Variants in ABCC12 observed in about 807,000 individuals in gnomAD.
ABCC12 encodes the protein ATP-binding cassette sub-family C member 12.
ABCC12 carries 142 observed loss-of-function variants against 151.1 expected under a neutral mutation model. The ratio of observed to expected loss-of-function variants is 0.94; its 90% confidence interval spans 0.82 to 1.08. ABCC12 has a LOEUF of 1.08. ABCC12 is among the 50% of genes least tolerant of loss of function. The probability of loss-of-function intolerance (pLI) is 0.00; values close to 1 mark genes in which losing one functional copy is unlikely to be tolerated. For synonymous variants in ABCC12, 645 were observed against 646.4 expected (o/e 1.00, Z 0.03); for missense variants, 1,638 against 1,691.1 (o/e 0.97, Z 0.55).
chr16:48,090,000 G>T (rs957952423), intron 25 of ABCC12, among the ~76,000 whole-genome samples: 2 of 151,780 alleles, frequency 1.3e-5, no homozygotes, highest in African/African-American at 4.9e-5. Context: ...TACTTAAAAA[G>T]AAATTGAATG....
chr16:48,090,555 T>A (rs898409501), intron 25 of ABCC12, among the ~76,000 whole-genome samples: 14 of 152,024 alleles, frequency 9.2e-5, no homozygotes, highest in African/African-American at 3.4e-4. Flanking sequence ...AATATTAATT[T>A]TTAGAAACCA....
chr16:48,146,467 C>A lies in ABCC12; in HGVS notation c.-43G>T. 6.6e-7 allele frequency: 1 copy of A among 1,508,048 alleles called. No homozygotes were observed. 93.4% of individuals were successfully genotyped at this position (1,508,048 alleles called of 1,614,324 possible). A position where few individuals can be genotyped will look rare whatever the true frequency, so the allele number is the denominator to read the frequency against. ...GCCCTGGGCTTTTGGCCTGGGGACA[C>A]TTTCACTCTATGGCAGAGAAATGGC... is the stretch of plus-strand genomic sequence containing the variant. On this transcript the variant is annotated 5_prime_UTR_variant, in exon 3 of 31. Coordinates refer to ENST00000311303, the MANE Select transcript of ABCC12 (RefSeq NM_001393797.1).
In ABCC12 at chr16:48,087,958, T is replaced by C. The variant is rs758542782; in HGVS notation, c.3603A>G (p.Pro1201=). 5.0e-6 allele frequency: 8 copies of C among 1,614,146 alleles called. No homozygotes were observed. The highest frequency in any genetic ancestry group is 8.5e-7 in the Non-Finnish European group (1 of 1,180,012). The stretch of plus-strand genomic sequence containing the variant: ...TACCTACAAACAGGACAGGATCCTG[T>C]GGGATCACAGTCAGCTTGGTTCTGA... ...EDLRTKLTVI[P]QDPVLFVGTV... The change falls in exon 27 of 31, where the codon CCA becomes CCG. Residue 1201 remains proline (P), a synonymous_variant. Coordinates refer to ENST00000311303, the MANE Select transcript of ABCC12 (RefSeq NM_001393797.1).
intron 3 of ABCC12, among the ~76,000 whole-genome samples, chr16:48,145,033 T>A (rs74018274): frequency 0.032 from 4,892 of 152,234 alleles, 248 homozygotes; most frequent in African/African-American, 0.11. Flanking sequence ...TTGACTCCAG[T>A]GTCCTGTCAT....
intron 22 of ABCC12, 38 bp downstream of exon 22, chr16:48,104,104 G>A: frequency 1.3e-6 from 2 of 1,581,968 alleles, no homozygotes; most frequent in Non-Finnish European, 1.7e-6. Context: ...CAGTGTGTGT[G>A]TGTATCGTTT....
chr16:48,119,040 C>T (rs2150632207), intron 13 of ABCC12, among the ~76,000 whole-genome samples: 1 of 152,332 alleles, frequency 6.6e-6, no homozygotes, highest in South Asian at 2.1e-4. Flanking sequence ...AGCACATCTT[C>T]CTCCCCTCAA....
chr16:48,139,443 A>G (rs1486733297), intron 6 of ABCC12, 107 bp from the exon 7 acceptor site: 2 of 1,257,612 alleles, frequency 1.6e-6, no homozygotes, highest in African/African-American at 3.0e-5. Flanking sequence ...AAGGAGAAAA[A>G]CTTCTCTAAA....
chr16:48,098,218 A>C (rs915985077), intron 23 of ABCC12, among the ~76,000 whole-genome samples: 4 of 151,838 alleles, frequency 2.6e-5, no homozygotes, highest in Non-Finnish European at 4.4e-5. Context: ...TTTTCACCGC[A>C]CTGAGCTGAC....
rs1964398606 is a variant in ABCC12, at chr16:48,130,847, T to C, written c.1177A>G (p.Ile393Val). ...ATTGCTTTGATGGAGAAGGGCAAGA[T>C]TGCAATGGAAAACTTCATTACATTA... ...MFNVMKFSIA[I>V]LPFSIKAMAE... Residue 393 changes from isoleucine (I) to valine (V), a missense_variant, in exon 10 of 31, where the codon ATC (isoleucine) becomes GTC (valine). By Grantham distance (29) the Ile-to-Val change is conservative. Coordinates refer to ENST00000311303, the MANE Select transcript of ABCC12 (RefSeq NM_001393797.1). 2.5e-6 allele frequency: 4 copies of C among 1,613,920 alleles called. No individual in the cohort carries two copies. The East Asian group carries it at 6.7e-5, about 27-fold the overall frequency.
At chr16:48,143,628 C>T (rs1293550244) in intron 4 of ABCC12, among the ~76,000 whole-genome samples, 1 of 152,132 alleles carries the variant, frequency 6.6e-6, no homozygotes, top group African/African-American at 2.4e-5. Flanking sequence ...GTAACTGAAT[C>T]ATGGGGGTGG....
At chr16:48,133,954 A>T (rs1257439148) in intron 8 of ABCC12, 119 bp from the exon 9 acceptor site, 19 of 1,216,738 alleles carry the variant, frequency 1.6e-5, no homozygotes, top group Non-Finnish European at 2.1e-5. Flanking sequence ...CCTGTTGTGA[A>T]GTTTAAATGA....
intron 9 of ABCC12, among the ~76,000 whole-genome samples, chr16:48,132,915 A>G (rs1964477599): frequency 6.6e-6 from 1 of 152,202 alleles, no homozygotes; most frequent in African/African-American, 2.4e-5. Context: ...ATGATTTGCT[A>G]TAAGTCATAG....
chr16:48,128,109 AC>A (rs1362462209), intron 11 of ABCC12, among the ~76,000 whole-genome samples: 1 of 152,116 alleles, frequency 6.6e-6, no homozygotes, highest in African/African-American at 2.4e-5. Flanking sequence ...AAAGAGTAAG[AC>A]CCTGTCTCAC....
rs372578984 is a variant in ABCC12, at chr16:48,143,242, G to C, written c.275+668C>G. Among the ~76,000 whole-genome samples the C allele has an allele frequency of 7.2e-4, 109 of 152,296 alleles. 1 individual carries two copies. Among genetic ancestry groups the C allele is most frequent in the African/African-American group, 2.5e-3 (103 of 41,570 alleles). On this transcript the variant is annotated intron_variant, in intron 4 of 30. Coordinates refer to ENST00000311303, the MANE Select transcript of ABCC12 (RefSeq NM_001393797.1). ...GTGAGATTCCAGCCACCTCTGTCCT[G>C]ATGCGGTGCCCCTGCAAACCAGCTG...
At chr16:48,112,769 C>T (rs970186030) in intron 15 of ABCC12, among the ~76,000 whole-genome samples, 16 of 152,080 alleles carry the variant, frequency 1.1e-4, no homozygotes, top group Admixed American at 7.2e-4. Context: ...GAGAAGCAGA[C>T]CACGGTGTGG....
intron 21 of ABCC12, among the ~76,000 whole-genome samples, 180 bp downstream of exon 21, chr16:48,104,959 C>T (rs1465562286): frequency 2.0e-5 from 3 of 152,218 alleles, no homozygotes; most frequent in Non-Finnish European, 4.4e-5. Flanking sequence ...CCCACAGCTC[C>T]CTGGAATCTA....
intron 3 of ABCC12, among the ~76,000 whole-genome samples, chr16:48,145,510 A>G (rs1964967573): frequency 6.6e-6 from 1 of 152,208 alleles, no homozygotes; most frequent in Non-Finnish European, 1.5e-5. Flanking sequence ...TCATTCCATC[A>G]AAAAGTCGAG....
At position 48,128,738 on chromosome 16, in the gene ABCC12, C is replaced by G. The variant is rs375717472; in HGVS notation, c.1237-1G>C. On this transcript the variant is annotated splice_acceptor_variant, in intron 10 of 30. Coordinates refer to ENST00000311303, the MANE Select transcript of ABCC12 (RefSeq NM_001393797.1). LOFTEE classifies it high-confidence loss of function. ...GGGGGCTTTTATCTATGAGAATTTT[C>G]TAAGATTAAAGAGACAAAATTAACT... The G allele has an allele frequency of 6.2e-7, 1 of 1,611,354 alleles. No homozygotes were observed. Among genetic ancestry groups the G allele is most frequent in the East Asian group, 2.2e-5 (1 of 44,872 alleles).
chr16:48,136,370 TCCC>T lies in ABCC12; in HGVS notation c.979+1855_979+1857del, dbSNP rs552122180. On this transcript the variant is annotated intron_variant, in intron 8 of 30. Coordinates refer to ENST00000311303, the MANE Select transcript of ABCC12 (RefSeq NM_001393797.1). The stretch of plus-strand genomic sequence containing the variant: ...TTCTGCAGGGAAGCCATTCCCAGTC[TCCC>T]CAACCCAGTGTGCTCCCCCATGGAG... Among the ~76,000 whole-genome samples, 25 of 152,264 alleles carry T rather than the reference TCCC, an allele frequency of 1.6e-4. No individual in the cohort carries two copies. The East Asian group carries it at 3.3e-3, about 20-fold the overall frequency.
Sources: allele counts gnomAD v4.1 joint callset (sites outside exome capture counted in the v4.1 genomes callset), GRCh38; gene constraint gnomAD v4.1.1; transcripts MANE v1.5; gene names NCBI Gene and HGNC (gene_info 2026-07-23, HGNC 2026-07-21).